The following TEX11 variants were observed in gnomAD, a reference collection of about 807,000 sequenced individuals.
TEX11 encodes the protein testis-expressed protein 11.
A neutral mutation model predicts 84.4 loss-of-function variants in TEX11; 7 were observed. The ratio of observed to expected loss-of-function variants is 0.08; its 90% CI spans 0.05 to 0.16. The LOEUF is 0.16. Among genes scored for constraint, TEX11 ranks in the 10% least tolerant of loss-of-function variants. TEX11 has a pLI of 1.00. For missense variants in TEX11, 551 were observed against 660.5 expected (o/e 0.83, Z 1.82); for synonymous variants, 264 against 222.8 (o/e 1.18, Z -1.64).
chrX:70,772,959 G>GA (rs2090980321), intron 9 of TEX11, among the ~76,000 whole-genome samples: 1 of 109,766 alleles, frequency 9.1e-6, no homozygotes, highest in Admixed American at 9.8e-5. Context: ...AAAAAAGAAT[G>GA]AAAAAGAGTG....
At chrX:70,782,425 A>T (rs2091045680) in intron 9 of TEX11, among the ~76,000 whole-genome samples, 1 of 110,262 alleles carries the variant, frequency 9.1e-6, no homozygotes, top group Non-Finnish European at 1.9e-5. Context: ...GGGCAAACTA[A>T]CCAGCTAACA....
chrX:70,603,737 A>G (rs1243738272), intron 24 of TEX11, among the ~76,000 whole-genome samples: 2 of 111,119 alleles, frequency 1.8e-5, no homozygotes, highest in Admixed American at 1.9e-4. Context: ...CTGCACAGCA[A>G]AAGAAACTAC....
intron 4 of TEX11, among the ~76,000 whole-genome samples, chrX:70,861,871 A>C: frequency 8.9e-6 from 1 of 112,246 alleles, no homozygotes; most frequent in Non-Finnish European, 1.9e-5. Context: ...ATACCATGTT[A>C]ACAGAAAAAT....
chrX:70,595,381 G>A lies in TEX11; in HGVS notation c.2068-3558C>T, dbSNP rs146536228. On this transcript the variant is annotated intron_variant, in intron 24 of 29. Coordinates refer to ENST00000374333, the MANE Select transcript of TEX11 (RefSeq NM_031276.3). ...TTTACAGGTGTGAGCTACCACACCC[G>A]GCTTCTTCTCTGAGTTTCTTTAAAA... Among the ~76,000 whole-genome samples the A allele has an allele frequency of 7.8e-4, 87 of 111,449 alleles. No homozygotes were observed. In the East Asian group the frequency reaches 0.023, roughly 30 times the overall value.
intron 9 of TEX11, among the ~76,000 whole-genome samples, chrX:70,793,868 C>CA (rs113781168): frequency 0.08 from 7,273 of 91,460 alleles, 597 homozygotes; most frequent in African/African-American, 0.23. Context: ...CTAAAGCCTC[C>CA]AAAAAAAAAA....
chrX:70,728,390 G>A (rs2090616216), intron 11 of TEX11, among the ~76,000 whole-genome samples: 1 of 113,152 alleles, frequency 8.8e-6, no homozygotes, highest in African/African-American at 3.2e-5. Context: ...GAAGCACAAG[G>A]GGTCAGGGAA....
At chrX:70,805,025 C>T (rs910019145) in intron 9 of TEX11, among the ~76,000 whole-genome samples, 1 of 88,114 alleles carries the variant, frequency 1.1e-5, no homozygotes, top group Non-Finnish European at 2.1e-5. Context: ...TCTTGGCATA[C>T]TGGTCTTTTG....
chrX:70,576,411 A>G (rs915676607), intron 25 of TEX11, among the ~76,000 whole-genome samples: 11 of 112,413 alleles, frequency 9.8e-5, no homozygotes, highest in African/African-American at 3.5e-4. Context: ...ACAAACCTTT[A>G]ACAAGTCAGA....
chrX:70,609,852 T>C (rs1384006598), intron 21 of TEX11, among the ~76,000 whole-genome samples: 1 of 110,631 alleles, frequency 9.0e-6, no homozygotes, highest in Non-Finnish European at 1.9e-5. Flanking sequence ...GGATGCCATG[T>C]AAAAAAGCAT....
intron 17 of TEX11, among the ~76,000 whole-genome samples, chrX:70,635,891 T>C (rs1283097891): frequency 9.0e-6 from 1 of 110,822 alleles, no homozygotes; most frequent in Non-Finnish European, 1.9e-5. Context: ...CCCCTGGCCA[T>C]AGGTACGAGG....
intron 9 of TEX11, among the ~76,000 whole-genome samples, chrX:70,788,567 T>C (rs903037958): frequency 2.7e-5 from 3 of 109,326 alleles, no homozygotes; most frequent in African/African-American, 1.0e-4. Flanking sequence ...AAAAAACCAA[T>C]ACTTCCAAAC....
At chrX:70,614,801 AGTT>A (rs2089299775) in intron 20 of TEX11, among the ~76,000 whole-genome samples, 1 of 111,366 alleles carries the variant, frequency 9.0e-6, no homozygotes, top group Admixed American at 9.5e-5. Context: ...AATGCCAGAC[AGTT>A]CAGGAGAGAG....
chrX:70,610,354 C>G, intron 21 of TEX11, 149 bp downstream of exon 21: 4 of 503,020 alleles, frequency 8.0e-6, no homozygotes, highest in Non-Finnish European at 1.3e-5. Context: ...AATGAAGAAA[C>G]CAAAATAGAT....
intron 24 of TEX11, among the ~76,000 whole-genome samples, chrX:70,596,771 T>C (rs1184630124): frequency 1.8e-5 from 2 of 110,061 alleles, no homozygotes; most frequent in Non-Finnish European, 3.8e-5. Flanking sequence ...AGAAGGAAGA[T>C]TTGAGTGGGA....
chrX:70,870,715 T>C (rs1010020066), intron 4 of TEX11, among the ~76,000 whole-genome samples: 1 of 112,001 alleles, frequency 8.9e-6, no homozygotes, highest in African/African-American at 3.2e-5. Context: ...GCTGGTAGAT[T>C]CAGAGTTAAA....
At position 70,568,210 on chromosome X, in the gene TEX11, A is replaced by G. The variant is rs1306211845; in HGVS notation, c.2141-13410T>C. Among the ~76,000 whole-genome samples the G allele has an allele frequency of 4.8e-4, 54 of 111,410 alleles. No individual in the cohort carries two copies. In the Admixed American group the frequency reaches 5.2e-3, roughly 11 times the overall value. ...TTGTTGGTTTAAAGTCTGTTTGATC[A>G]GAGAATAGGATCGCAACCCCTGCCT... On this transcript the variant is annotated intron_variant, in intron 25 of 29. Coordinates refer to ENST00000374333, the MANE Select transcript of TEX11 (RefSeq NM_031276.3).
intron 9 of TEX11, among the ~76,000 whole-genome samples, chrX:70,784,055 C>A (rs757911319): frequency 4.5e-5 from 5 of 111,683 alleles, no homozygotes; most frequent in Non-Finnish European, 9.4e-5. Flanking sequence ...ATATCCCTGA[C>A]GAACATTGAT....
At chrX:70,716,425 C>T (rs1432531340) in intron 13 of TEX11, among the ~76,000 whole-genome samples, 1 of 109,751 alleles carries the variant, frequency 9.1e-6, no homozygotes, top group Non-Finnish European at 1.9e-5. Flanking sequence ...CCTTGAGCTG[C>T]AGTGGGCTCC....
chrX:70,655,502 CT>C (rs1333880905), intron 16 of TEX11, among the ~76,000 whole-genome samples: 1 of 111,798 alleles, frequency 8.9e-6, no homozygotes, highest in African/African-American at 3.3e-5. Context: ...GCATTTTCAC[CT>C]TACGATATTT....
Sources: allele counts gnomAD v4.1 joint callset (sites outside exome capture counted in the v4.1 genomes callset), GRCh38; gene constraint gnomAD v4.1.1; transcripts MANE v1.5; gene names NCBI Gene and HGNC (gene_info 2026-07-23, HGNC 2026-07-21).